The following TCF4 variants were observed in gnomAD, a reference collection of about 807,000 sequenced individuals.
TCF4 encodes the protein transcription factor 4.
In TCF4, 3 loss-of-function variants were observed where a neutral mutation model predicts 82.1. The observed-to-expected ratio is 0.04, with a 90% CI of 0.02 to 0.09. TCF4 has a LOEUF of 0.09. Ranked by LOEUF, TCF4 falls within the 10% of genes least tolerant of loss-of-function variation. The pLI is 1.00. For synonymous variants in TCF4, 276 were observed against 309.6 expected (o/e 0.89, Z 1.14); for missense variants, 518 against 852.7 (o/e 0.61, Z 4.89).
upstream of TCF4, chr18:55,589,815 G>C (rs2097680578): frequency 6.0e-6 from 6 of 1,007,196 alleles, no homozygotes; most frequent in African/African-American, 1.7e-5. Context: ...TAAAGAGAAG[G>C]AGCTGCGGCC....
upstream of TCF4, chr18:55,588,691 A>G: frequency 7.5e-7 from 1 of 1,326,040 alleles, no homozygotes; most frequent in Non-Finnish European, 9.6e-7. Flanking sequence ...TGCCAAGAGG[A>G]ACAATATTTT....
At chr18:55,425,155 T>TA (rs2094925851) in intron 5 of TCF4, among the ~76,000 whole-genome samples, 2 of 152,172 alleles carry the variant, frequency 1.3e-5, no homozygotes, top group African/African-American at 4.8e-5. Context: ...AAAAATGAAA[T>TA]AGAGTACAGG....
chr18:55,533,493 C>T (rs1216875041), intron 3 of TCF4, among the ~76,000 whole-genome samples: 2 of 152,126 alleles, frequency 1.3e-5, no homozygotes, highest in African/African-American at 4.8e-5. Context: ...CCATTAGAGC[C>T]TCCTCAGCTG....
chr18:55,602,705 T>C (rs2097698375), intron 2 of TCF4, among the ~76,000 whole-genome samples: 1 of 152,188 alleles, frequency 6.6e-6, no homozygotes, highest in Non-Finnish European at 1.5e-5. Flanking sequence ...TTCCCATCTC[T>C]CTTACATGGT....
intron 5 of TCF4, among the ~76,000 whole-genome samples, chr18:55,459,407 AC>A (rs1262704489): frequency 1.3e-5 from 2 of 152,140 alleles, no homozygotes; most frequent in Admixed American, 6.6e-5. Context: ...TAGAGTTAAA[AC>A]TTTTTTCACA....
intron 8 of TCF4, among the ~76,000 whole-genome samples, chr18:55,306,295 T>TA (rs1023179380): frequency 6.6e-6 from 1 of 152,130 alleles, no homozygotes; most frequent in East Asian, 1.9e-4. Context: ...CCTACAGAAG[T>TA]AAAAAAAGAA....
chr18:55,608,369 ATTT>A (rs746413576), intron 2 of TCF4, among the ~76,000 whole-genome samples: 4 of 117,258 alleles, frequency 3.4e-5, no homozygotes, highest in Non-Finnish European at 5.1e-5. Flanking sequence ...TTGCCACAGT[ATTT>A]TTTTTTTTTT....
chr18:55,523,613 C>T (rs930187668), intron 3 of TCF4, among the ~76,000 whole-genome samples: 3 of 151,666 alleles, frequency 2.0e-5, no homozygotes, highest in Admixed American at 6.6e-5. Context: ...TTTGACTTTC[C>T]CTTTTTATTT....
chr18:55,389,666 G>T lies in TCF4; in HGVS notation c.369+13788C>A, dbSNP rs117323784. Reference sequence around the variant, plus strand: ...ATGAGATGTGAATGGTGAGTACGAAGGCTGAGGCTGCAGGCAGAAACAGGG... The same window carrying T: ...ATGAGATGTGAATGGTGAGTACGAATGCTGAGGCTGCAGGCAGAAACAGGG... On this transcript the variant is annotated intron_variant, in intron 6 of 19. Coordinates refer to ENST00000354452, the MANE Select transcript of TCF4 (RefSeq NM_001083962.2). Among the ~76,000 whole-genome samples, 215 of 152,226 alleles carry T rather than the reference G, an allele frequency of 1.4e-3. 7 individuals carry two copies. In the East Asian group the frequency reaches 0.038, roughly 27 times the overall value.
intron 2 of TCF4, among the ~76,000 whole-genome samples, chr18:55,604,580 G>A (rs1458978157): frequency 6.6e-6 from 1 of 152,160 alleles, no homozygotes; most frequent in African/African-American, 2.4e-5. Flanking sequence ...AATGTTGCAG[G>A]GATTCTGCAT....
intron 8 of TCF4, among the ~76,000 whole-genome samples, chr18:55,314,506 C>T (rs931685292): frequency 6.7e-6 from 1 of 150,164 alleles, no homozygotes; most frequent in African/African-American, 2.5e-5. Flanking sequence ...ACGCATGTAA[C>T]ATCAATTTAA....
At chr18:55,604,976 G>A (rs1351796758) in intron 2 of TCF4, among the ~76,000 whole-genome samples, 2 of 152,126 alleles carry the variant, frequency 1.3e-5, no homozygotes, top group Non-Finnish European at 2.9e-5. Context: ...CCCTTTTTAG[G>A]TTATTAGAAG....
chr18:55,434,554 G>A (rs2095283044), intron 5 of TCF4, among the ~76,000 whole-genome samples: 1 of 151,308 alleles, frequency 6.6e-6, no homozygotes, highest in African/African-American at 2.4e-5. Context: ...CAAGTAGCTG[G>A]GACTACAGGC....
chr18:55,253,224 T>G (rs549110750), intron 15 of TCF4, among the ~76,000 whole-genome samples: 2 of 152,192 alleles, frequency 1.3e-5, no homozygotes, highest in Non-Finnish European at 2.9e-5. Flanking sequence ...AACTGAAAGA[T>G]GGACAGGAGA....
At chr18:55,428,787 T>C (rs1006660762) in intron 5 of TCF4, among the ~76,000 whole-genome samples, 53 of 152,216 alleles carry the variant, frequency 3.5e-4, no homozygotes, top group Non-Finnish European at 3.5e-4. Flanking sequence ...AAACAATGTT[T>C]GGTGTCAAAA....
chr18:55,254,948 A>T (rs909371523), intron 14 of TCF4, among the ~76,000 whole-genome samples: 3 of 152,242 alleles, frequency 2.0e-5, no homozygotes, highest in Admixed American at 6.5e-5. Flanking sequence ...AGGACATTAT[A>T]ACATACATGT....
intron 3 of TCF4, among the ~76,000 whole-genome samples, chr18:55,531,418 G>T (rs754913077): frequency 2.0e-5 from 3 of 152,154 alleles, no homozygotes; most frequent in Non-Finnish European, 2.9e-5. Context: ...GAGAATGGGG[G>T]AAGGAAAATA....
At chr18:55,410,131 T>C (rs2094283830) in intron 5 of TCF4, among the ~76,000 whole-genome samples, 1 of 152,204 alleles carries the variant, frequency 6.6e-6, no homozygotes, top group Admixed American at 6.5e-5. Flanking sequence ...ATAGCTTGTA[T>C]GTATCAAGGG....
intron 8 of TCF4, among the ~76,000 whole-genome samples, chr18:55,320,575 T>C (rs1469703245): frequency 1.3e-5 from 2 of 152,244 alleles, no homozygotes; most frequent in Non-Finnish European, 2.9e-5. Flanking sequence ...CACAGGCATA[T>C]AGCAGCACAT....
Sources: allele counts gnomAD v4.1 joint callset (sites outside exome capture counted in the v4.1 genomes callset), GRCh38; gene constraint gnomAD v4.1.1; transcripts MANE v1.5; gene names NCBI Gene and HGNC (gene_info 2026-07-23, HGNC 2026-07-21).